ALDH4A1: variants seen among roughly 807,000 people sequenced by gnomAD.
ALDH4A1 encodes the protein aldehyde dehydrogenase 4 family member A1.
Under a neutral mutation model 70.5 loss-of-function variants are expected in ALDH4A1, and 46 were observed. The observed-to-expected ratio is 0.65, with a 90% CI of 0.51 to 0.83. ALDH4A1 has a LOEUF of 0.83. Among genes scored for constraint, ALDH4A1 ranks in the 40% least tolerant of loss-of-function variants. The pLI is 0.00. For synonymous variants in ALDH4A1, 323 were observed against 324.3 expected (o/e 1.00, Z 0.04); for missense variants, 749 against 766.5 (o/e 0.98, Z 0.27).
In ALDH4A1 at chr1:18,880,311, A is replaced by T. The variant is rs111515202; in HGVS notation, c.867-938T>A. Among the ~76,000 whole-genome samples, 2,324 of 152,074 alleles carry T rather than the reference A, an allele frequency of 0.015. 19 individuals are homozygous for T. Among genetic ancestry groups the T allele is most frequent in the South Asian group, 0.033 (159 of 4,804 alleles). ...TAACACCCGAAGTGACCAACAGGAG[A>T]TTCATCTTCCCCCGAGCCCGCTCGC... is the stretch of plus-strand genomic sequence containing the variant. On this transcript the variant is annotated intron_variant, in intron 8 of 14. Coordinates refer to ENST00000375341, the MANE Select transcript of ALDH4A1 (RefSeq NM_003748.4). The surrounding 1 kb of genome is among the most constrained non-coding windows in gnomAD (Gnocchi z 5.1).
At chr1:18,886,565 G>A (rs949797431) in intron 3 of ALDH4A1, 54 bp from the exon 4 acceptor site, 97 of 1,587,860 alleles carry the variant, frequency 6.1e-5, no homozygotes, top group Non-Finnish European at 7.4e-5. Flanking sequence ...CCAGGATAAG[G>A]ATGAAGAGGA....
chr1:18,893,874 A>G (rs1163542453), intron 1 of ALDH4A1, among the ~76,000 whole-genome samples: 1 of 152,212 alleles, frequency 6.6e-6, no homozygotes, highest in East Asian at 1.9e-4. Flanking sequence ...TCCGCACCTT[A>G]AAATCCCACT....
chr1:18,900,929 A>G (rs767799075), intron 1 of ALDH4A1: 254 of 983,746 alleles, frequency 2.6e-4, no homozygotes, highest in Non-Finnish European at 2.8e-4. Flanking sequence ...TATTGTTATC[A>G]TGGGCTTATC....
chr1:18,877,781 C>T (rs937979112), intron 9 of ALDH4A1, among the ~76,000 whole-genome samples, 169 bp from the exon 10 acceptor site: 2 of 152,208 alleles, frequency 1.3e-5, no homozygotes, highest in African/African-American at 2.4e-5. Flanking sequence ...CAGAGACCCA[C>T]GGGCCAGGCC....
Position 18,881,848 on chromosome 1 carries a change from G to A in ALDH4A1, c.718C>T (p.Leu240=), listed in dbSNP as rs1212309894. 1 of 1,613,820 alleles carries A rather than the reference G, an allele frequency of 6.2e-7. No individual in the cohort carries two copies. Among genetic ancestry groups the A allele is most frequent in the South Asian group, 1.1e-5 (1 of 91,076 alleles). ...ATGCGGTAGACAGCATAGCTGGCCA[G>A]CATGGCAGTGTCACTGGGCTTCCAT... The part of the protein sequence containing the change: ...VLWKPSDTAM[L]ASYAVYRILR... The change falls in exon 8 of 15, where the codon CTG becomes TTG. Residue 240 remains leucine (L), a synonymous_variant. Transcript: ENST00000375341.
rs1476406321 is a variant in ALDH4A1, at chr1:18,875,460, T to TA, written c.1381_1382insT (p.Asp461ValfsTer11). 1.9e-6 allele frequency: 3 copies of TA among 1,613,972 alleles called. No individual in the cohort carries two copies. In the African/African-American group the frequency reaches 4.0e-5, roughly 22 times the overall value. On this transcript the variant is annotated frameshift_variant, in exon 13 of 15. Transcript: ENST00000375341. LOFTEE classifies it high-confidence loss of function. Reference sequence around the variant, plus strand: ...CAGCTGCAGCGTCTCCTTGTACTTGTCATCCGGGTAGACGTACACAGACAG... The same window carrying TA: ...CAGCTGCAGCGTCTCCTTGTACTTGTACATCCGGGTAGACGTACACAGACAG...
At position 18,879,375 on chromosome 1, in the gene ALDH4A1, TG is replaced by T; in HGVS notation, c.867-3del. ...TGCTTCCACAGGTGTTTGAAGGTGC[TG>T]GAACCACAGGAGAAAGGGTGGGGTT... On this transcript the variant is annotated splice_polypyrimidine_tract_variant and splice_region_variant and intron_variant, in intron 8 of 14. Transcript: ENST00000375341. 1 of 1,610,104 alleles carries T rather than the reference TG, an allele frequency of 6.2e-7. No individual in the cohort carries two copies. Among genetic ancestry groups the T allele is most frequent in the Non-Finnish European group, 8.5e-7 (1 of 1,178,362 alleles).
At chr1:18,901,445 G>A (rs1557631591) in intron 1 of ALDH4A1, among the ~76,000 whole-genome samples, 3 of 152,188 alleles carry the variant, frequency 2.0e-5, no homozygotes, top group Admixed American at 1.3e-4. Flanking sequence ...AATGGGAGGG[G>A]GGGCTGATCC....
intron 7 of ALDH4A1, 139 bp downstream of exon 7, chr1:18,882,985 C>G: frequency 8.6e-7 from 1 of 1,158,372 alleles, no homozygotes; most frequent in Non-Finnish European, 1.3e-6. Flanking sequence ...AGCCTACCCA[C>G]AGCCCCAAGC....
intron 1 of ALDH4A1, 67 bp from the exon 2 acceptor site, chr1:18,890,172 C>T (rs1935382467): frequency 1.5e-6 from 2 of 1,347,150 alleles, no homozygotes; most frequent in Admixed American, 1.9e-5. Context: ...GACCCCAGCC[C>T]CTCTACCTCC....
In ALDH4A1 at chr1:18,883,381, G is replaced by A. The variant is rs754269597; in HGVS notation, c.501C>T (p.Ile167=). ...QAEIDAAAEL[I]DFFRFNAKYA... is the part of the protein sequence containing the mutation. The stretch of plus-strand genomic sequence containing the variant: ...ACTTGGCATTGAACCGGAAGAAGTC[G>A]ATGAGTTCCGCTGCAGCGTCAATCT... Residue 167 remains isoleucine (I), a synonymous_variant, in exon 6 of 15, where the codon ATC becomes ATT. Transcript: ENST00000375341. 1.5e-5 allele frequency: 25 copies of A among 1,613,354 alleles called. No homozygotes were observed. The highest frequency in any genetic ancestry group is 6.6e-5 in the South Asian group (6 of 91,094).
At chr1:18,893,754 T>C (rs9426745) in intron 1 of ALDH4A1, among the ~76,000 whole-genome samples, 7,493 of 152,308 alleles carry the variant, frequency 0.049, 202 homozygotes, top group Middle Eastern at 0.071. Flanking sequence ...TCCACCCGCC[T>C]TGGCCTCCCA....
rs372484245 is a variant in ALDH4A1, at chr1:18,892,700, G to A, written c.63-2595C>T. Among the ~76,000 whole-genome samples the A allele has an allele frequency of 2.2e-3, 323 of 146,142 alleles. 1 individual carries two copies. Among genetic ancestry groups the A allele is most frequent in the East Asian group, 0.017 (85 of 4,984 alleles). On this transcript the variant is annotated intron_variant, in intron 1 of 14. Coordinates refer to ENST00000375341, the MANE Select transcript of ALDH4A1 (RefSeq NM_003748.4). Reference sequence around the variant, plus strand: ...TCCCCACCAACCTCCACCCTGAGCCGGTAGCTCTGCACTCCCCACCCCCAC... The same window carrying A: ...TCCCCACCAACCTCCACCCTGAGCCAGTAGCTCTGCACTCCCCACCCCCAC...
intron 9 of ALDH4A1, among the ~76,000 whole-genome samples, chr1:18,878,151 G>A (rs7366122): frequency 0.51 from 77,584 of 151,774 alleles, 20,298 homozygotes; most frequent in Middle Eastern, 0.69. Flanking sequence ...TCCTCCCTCC[G>A]TGGGAAGCAG....
rs1355434956 is a variant in ALDH4A1, at chr1:18,890,043, T to C, written c.125A>G (p.Gln42Arg). 1.2e-6 allele frequency: 2 copies of C among 1,612,578 alleles called. No individual in the cohort carries two copies. Among genetic ancestry groups the C allele is most frequent in the Non-Finnish European group, 8.5e-7 (1 of 1,179,618 alleles). ...VANEPVLAFT[Q>R]GSPERDALQK... is the part of the protein sequence containing the mutation. ...CAGGGCATCTCGCTCAGGGCTGCCC[T>C]GCGTGAAGGCTAAGACGGGCTCGTT... Residue 42 changes from glutamine (Q) to arginine (R), a missense_variant, in exon 2 of 15, where the codon CAG (glutamine) becomes CGG (arginine). Physicochemically the swap from Gln to Arg is conservative, Grantham distance 43. Transcript: ENST00000375341.
rs1025463626 is a variant in ALDH4A1 at position 18,880,392 on chromosome 1, G to C, written c.867-1019C>G. On this transcript the variant is annotated intron_variant, in intron 8 of 14. Transcript: ENST00000375341. This position sits in a 1 kb window ranked among gnomAD's most constrained non-coding sequence, Gnocchi z 5.1. ...CTGACAACCCCCCTCATCCCCACAC[G>C]CACCCCAACCCCAACTCCAGGACAG... is the stretch of plus-strand genomic sequence containing the variant. 6.7e-6 allele frequency among the ~76,000 whole-genome samples: 1 copy of C among 148,738 alleles called. No homozygotes were observed. The highest frequency in any genetic ancestry group is 1.5e-5 in the Non-Finnish European group (1 of 67,284).
At chr1:18,892,118 G>A (rs77065167) in intron 1 of ALDH4A1, among the ~76,000 whole-genome samples, 11,866 of 152,154 alleles carry the variant, frequency 0.078, 692 homozygotes, top group African/African-American at 0.16. Flanking sequence ...GTGTTCTGCG[G>A]GATTGTTTTT....
intron 14 of ALDH4A1, among the ~76,000 whole-genome samples, chr1:18,873,944 G>A (rs749748413): frequency 1.1e-4 from 16 of 152,178 alleles, no homozygotes; most frequent in Non-Finnish European, 1.9e-4. Flanking sequence ...TCAGTCTTAC[G>A]GGACTGAGTT....
At position 18,883,332 on chromosome 1, in the gene ALDH4A1, G is replaced by C. The variant is rs769633923; in HGVS notation, c.550C>G (p.Gln184Glu). ...AKYAVELEGQ[Q>E]PISVPPSTNS... ...GTGCTCGGGGGCACGCTGATGGGCT[G>C]CTGCCCCTCCAGCTCCACCGCATAC... The change falls in exon 6 of 15, where the codon CAG becomes GAG. Residue 184 changes from glutamine to glutamate, a missense_variant. Gln to Glu is a conservative substitution (Grantham distance 29). Transcript: ENST00000375341. 6.2e-7 allele frequency: 1 copy of C among 1,613,330 alleles called. No homozygotes were observed. Among genetic ancestry groups the C allele is most frequent in the South Asian group, 1.1e-5 (1 of 91,086 alleles).
Sources: allele counts gnomAD v4.1 joint callset (sites outside exome capture counted in the v4.1 genomes callset), GRCh38; gene constraint gnomAD v4.1.1; non-coding constraint Gnocchi (gnomAD v3.1); transcripts MANE v1.5; gene names NCBI Gene and HGNC (gene_info 2026-07-23, HGNC 2026-07-21).